Variants in TF observed in about 807,000 individuals in gnomAD.
TF encodes serotransferrin.
TF carries 55 observed loss-of-function variants against 82.4 expected under a neutral mutation model. The observed-to-expected ratio is 0.67, with a 90% CI of 0.54 to 0.84. TF has a LOEUF of 0.84. Ranked by LOEUF, TF falls within the 40% of genes least tolerant of loss-of-function variation. TF has a pLI of 0.00. For synonymous variants in TF, 332 were observed against 332.6 expected (o/e 1.00, Z 0.02); for missense variants, 737 against 868.4 (o/e 0.85, Z 1.90).
chr3:133,781,411 C>A lies in TF; in HGVS notation c.*2791C>A, dbSNP rs959489540. 1 of 151,952 alleles carries A rather than the reference C, an allele frequency of 6.6e-6. No homozygotes were observed. The highest frequency in any genetic ancestry group is 1.5e-5 in the Non-Finnish European group (1 of 67,984). The allele number at this position is 151,952 out of a possible 1,614,324, so 9.4% of individuals were successfully genotyped here. A position where few individuals can be genotyped will look rare whatever the true frequency, so the allele number is the denominator to read the frequency against. ...AAGGAAATATTAAAATAAAAAATAA[C>A]TTTCTTTTATACAAATAATAGTGAG... On this transcript the variant is annotated 3_prime_UTR_variant, in exon 17 of 17. Transcript: ENST00000402696.
chr3:133,718,625 T>C, the TF span, among the ~76,000 whole-genome samples: 2 of 152,024 alleles, frequency 1.3e-5, no homozygotes, highest in Admixed American at 6.5e-5. Flanking sequence ...TGGATCAGAA[T>C]CTCCTGGAGG....
At chr3:133,662,539 A>G in the TF span, among the ~76,000 whole-genome samples, 43 of 152,200 alleles carry the variant, frequency 2.8e-4, no homozygotes, top group African/African-American at 7.7e-4. Context: ...AAGATCTTCA[A>G]TGGTCTCCCC....
chr3:133,724,870 A>T, the TF span, among the ~76,000 whole-genome samples: 1 of 152,216 alleles, frequency 6.6e-6, no homozygotes, highest in African/African-American at 2.4e-5. Flanking sequence ...AGCTTTCTAC[A>T]TATGGCTAGC....
the TF span, among the ~76,000 whole-genome samples, chr3:133,690,236 A>G: frequency 1.3e-5 from 2 of 152,196 alleles, no homozygotes; most frequent in African/African-American, 4.8e-5. Context: ...AAAACCACAA[A>G]CTATATAAAG....
At chr3:133,716,885 A>C in the TF span, among the ~76,000 whole-genome samples, 2 of 152,056 alleles carry the variant, frequency 1.3e-5, no homozygotes, top group Non-Finnish European at 2.9e-5. Flanking sequence ...TGAAGACCTC[A>C]GGCACACTCC....
chr3:133,714,421 A>G, the TF span, among the ~76,000 whole-genome samples: 2 of 152,178 alleles, frequency 1.3e-5, no homozygotes, highest in East Asian at 1.9e-4. Flanking sequence ...GCCCTCTCCA[A>G]AGTTTTCTCT....
chr3:133,742,618 G>A (rs558322136), upstream of TF, among the ~76,000 whole-genome samples: 9 of 152,194 alleles, frequency 5.9e-5, no homozygotes, highest in Middle Eastern at 3.4e-3. Flanking sequence ...CGTGAATGTC[G>A]GTTCTCAGGC....
At chr3:133,684,107 G>A in the TF span, among the ~76,000 whole-genome samples, 1 of 152,148 alleles carries the variant, frequency 6.6e-6, no homozygotes, top group Admixed American at 6.5e-5. Context: ...TGACTACTGG[G>A]TACATAATGA....
At chr3:133,753,963 G>T (rs1046790587) in intron 3 of TF, 2 of 579,044 alleles carry the variant, frequency 3.5e-6, no homozygotes, top group Non-Finnish European at 6.2e-6. Flanking sequence ...AGCAGGCTGT[G>T]TGCAGCTTGA....
At chr3:133,700,551 C>A in the TF span, among the ~76,000 whole-genome samples, 1 of 152,202 alleles carries the variant, frequency 6.6e-6, no homozygotes, top group Non-Finnish European at 1.5e-5. Flanking sequence ...GAGACCGCCA[C>A]GGGTGCTTAG....
the TF span, among the ~76,000 whole-genome samples, chr3:133,671,795 G>GAAAAAA: frequency 3.3e-4 from 18 of 54,354 alleles, no homozygotes; most frequent in African/African-American, 8.2e-4. Context: ...TCTGTCAAAA[G>GAAAAAA]AAAAAAAAAA....
chr3:133,737,228 C>T, the TF span, among the ~76,000 whole-genome samples: 187 of 152,118 alleles, frequency 1.2e-3, 1 homozygote, highest in African/African-American at 4.0e-3. Context: ...GGGTAAATAA[C>T]GAAATTAAGG....
chr3:133,683,122 G>T, the TF span, among the ~76,000 whole-genome samples: 1 of 152,160 alleles, frequency 6.6e-6, no homozygotes, highest in Non-Finnish European at 1.5e-5. Flanking sequence ...AAGTGAAGGA[G>T]AAATAAAATC....
rs922252567 is a variant in TF, at chr3:133,784,423, T to C, written c.*5803T>C. On this transcript the variant is annotated 3_prime_UTR_variant, in exon 17 of 17. Transcript: ENST00000402696. The stretch of plus-strand genomic sequence containing the variant: ...CTAGGTGTAAAGAGGTTGTGACTTA[T>C]GATAGAGTTAGAAAATCACACATCT... 1.3e-5 allele frequency: 2 copies of C among 149,720 alleles called. No homozygotes were observed. Among genetic ancestry groups the C allele is most frequent in the African/African-American group, 2.5e-5 (1 of 40,440 alleles). 9.3% of individuals were successfully genotyped at this position (149,720 alleles called of 1,614,324 possible). A position where few individuals can be genotyped will look rare whatever the true frequency, so the allele number is the denominator to read the frequency against.
the TF span, among the ~76,000 whole-genome samples, chr3:133,674,127 C>T: frequency 1.3e-5 from 2 of 152,212 alleles, no homozygotes; most frequent in African/African-American, 4.8e-5. Context: ...AGAGCGCGTG[C>T]TTTCCAGGGG....
At chr3:133,746,325 G>T (rs189667665), upstream of TF, 1,703 of 1,275,554 alleles carry the variant, frequency 1.3e-3, 16 homozygotes, top group African/African-American at 0.022. Context: ...AACACGGGAG[G>T]TCAAAGATTG....
At chr3:133,763,431 A>G (rs1934045324) in intron 9 of TF, among the ~76,000 whole-genome samples, 2 of 152,246 alleles carry the variant, frequency 1.3e-5, no homozygotes, top group Admixed American at 1.3e-4. Flanking sequence ...TCTATTCCAT[A>G]GCATGGATGT....
the TF span, among the ~76,000 whole-genome samples, chr3:133,693,782 A>G: frequency 6.6e-6 from 1 of 152,134 alleles, no homozygotes; most frequent in African/African-American, 2.4e-5. Context: ...GTAAAGAAGG[A>G]CTATTTGGGT....
At position 133,778,887 on chromosome 3, in the gene TF, A is replaced by C. The variant is rs972855485; in HGVS notation, c.*267A>C. On this transcript the variant is annotated 3_prime_UTR_variant, in exon 17 of 17. Transcript: ENST00000402696. ...AACTGAGCCCTTCCTTCTCAGCTCA[A>C]GATTCGTCTGGTCTTTCCCTACAGC... 1 of 390,680 alleles carries C rather than the reference A, an allele frequency of 2.6e-6. No individual in the cohort carries two copies. The highest frequency in any genetic ancestry group is 2.1e-5 in the African/African-American group (1 of 48,058). The allele number at this position is 390,680 out of a possible 1,614,324, so 24.2% of individuals were successfully genotyped here. A position where few individuals can be genotyped will look rare whatever the true frequency, so the allele number is the denominator to read the frequency against.
Sources: gnomAD v4.1 joint callset for allele counts (sites outside exome capture counted in the v4.1 genomes callset) on GRCh38, gnomAD v4.1.1 for gene constraint, MANE v1.5 for transcripts, NCBI Gene and HGNC (gene_info 2026-07-23, HGNC 2026-07-21) for gene names.